Variants in GALNT17 observed in about 807,000 individuals in gnomAD.
GALNT17 encodes polypeptide N-acetylgalactosaminyltransferase 17.
Under a neutral mutation model 63.7 loss-of-function variants are expected in GALNT17, and 29 were observed. That is an observed-to-expected ratio of 0.46 (90% CI 0.34 to 0.62). GALNT17 has a LOEUF of 0.62. GALNT17 is among the 20% of genes least tolerant of loss of function. GALNT17 has a pLI of 0.01. For missense variants in GALNT17, 603 were observed against 799.6 expected (o/e 0.75, Z 2.97); for synonymous variants, 305 against 318.3 (o/e 0.96, Z 0.45).
At chr7:71,169,665 C>T (rs1788509127) in intron 1 of GALNT17, among the ~76,000 whole-genome samples, 1 of 152,172 alleles carries the variant, frequency 6.6e-6, no homozygotes, top group African/African-American at 2.4e-5. Flanking sequence ...AAGTGATCCT[C>T]CCACCTCAGC....
intron 2 of GALNT17, among the ~76,000 whole-genome samples, chr7:71,353,008 A>G (rs1024101861): frequency 6.6e-6 from 1 of 151,978 alleles, no homozygotes; most frequent in African/African-American, 2.4e-5. Context: ...ATGGGAGGGA[A>G]GAAATGAGAG....
chr7:71,635,765 G>A (rs547159732), intron 6 of GALNT17, among the ~76,000 whole-genome samples: 1 of 152,300 alleles, frequency 6.6e-6, no homozygotes, highest in African/African-American at 2.4e-5. Flanking sequence ...CTAAACAAGA[G>A]GTGGATTATT....
chr7:71,654,827 C>T (rs904340848), intron 6 of GALNT17, among the ~76,000 whole-genome samples: 3 of 152,042 alleles, frequency 2.0e-5, no homozygotes, highest in Admixed American at 6.6e-5. Context: ...TCTTGCTTGT[C>T]GCCCAGACTA....
intron 5 of GALNT17, among the ~76,000 whole-genome samples, chr7:71,559,941 A>G (rs936717642): frequency 4.6e-5 from 7 of 151,734 alleles, no homozygotes; most frequent in Admixed American, 2.0e-4. Context: ...ACGCCTGTAA[A>G]TCCCAGCACT....
chr7:71,291,433 A>C (rs561728704), intron 1 of GALNT17, among the ~76,000 whole-genome samples: 1 of 152,210 alleles, frequency 6.6e-6, no homozygotes, highest in South Asian at 2.1e-4. Context: ...TTAGAATCCA[A>C]TTCCATGATA....
intron 6 of GALNT17, among the ~76,000 whole-genome samples, chr7:71,581,585 T>G (rs1789635985): frequency 6.6e-6 from 1 of 152,064 alleles, no homozygotes; most frequent in South Asian, 2.1e-4. Context: ...GATTACAATT[T>G]GGATTACAAT....
At chr7:71,579,304 T>G (rs566918370) in intron 6 of GALNT17, among the ~76,000 whole-genome samples, 1 of 152,316 alleles carries the variant, frequency 6.6e-6, no homozygotes, top group South Asian at 2.1e-4. Flanking sequence ...AACTGAATAC[T>G]TCTGATTAAA....
At chr7:71,461,564 T>C (rs1787450740) in intron 5 of GALNT17, among the ~76,000 whole-genome samples, 1 of 152,162 alleles carries the variant, frequency 6.6e-6, no homozygotes, top group Non-Finnish European at 1.5e-5. Flanking sequence ...AAGGCTGTGG[T>C]TTTCTTTCCT....
chr7:71,606,702 G>A (rs986275016), intron 6 of GALNT17, among the ~76,000 whole-genome samples: 1 of 152,094 alleles, frequency 6.6e-6, no homozygotes. Context: ...GGTTTCGTTG[G>A]GTTTACTTCT....
intron 5 of GALNT17, among the ~76,000 whole-genome samples, chr7:71,422,464 T>G (rs1490741334): frequency 1.3e-5 from 2 of 152,254 alleles, no homozygotes; most frequent in African/African-American, 4.8e-5. Context: ...CTCTGGAACC[T>G]GTGAATGGTC....
chr7:71,334,830 C>G (rs1272550046), intron 1 of GALNT17, among the ~76,000 whole-genome samples: 2 of 151,942 alleles, frequency 1.3e-5, no homozygotes, highest in African/African-American at 4.8e-5. Flanking sequence ...AGAGCTGTGT[C>G]AGAATGTTGG....
intron 6 of GALNT17, among the ~76,000 whole-genome samples, chr7:71,641,615 A>C (rs996512446): frequency 6.6e-6 from 1 of 152,048 alleles, no homozygotes; most frequent in Non-Finnish European, 1.5e-5. Context: ...CCTATTCACA[A>C]GAGCTCCACT....
At chr7:71,711,100 A>G (rs1299540109) in intron 10 of GALNT17, among the ~76,000 whole-genome samples, 172 bp downstream of exon 10, 1 of 151,970 alleles carries the variant, frequency 6.6e-6, no homozygotes, top group African/African-American at 2.4e-5. Context: ...GCAGCTGTGG[A>G]GTTTCTGCAT....
At chr7:71,233,628 C>G (rs1041970976) in intron 1 of GALNT17, among the ~76,000 whole-genome samples, 1 of 152,116 alleles carries the variant, frequency 6.6e-6, no homozygotes, top group Non-Finnish European at 1.5e-5. Context: ...CCGGATGAAT[C>G]CAGCCTGTGA....
At chr7:71,619,470 A>G (rs939575200) in intron 6 of GALNT17, among the ~76,000 whole-genome samples, 4 of 152,168 alleles carry the variant, frequency 2.6e-5, no homozygotes, top group Non-Finnish European at 5.9e-5. Flanking sequence ...GGTTTCTTTC[A>G]GCAGTGTTTT....
chr7:71,411,101 A>C (rs947797742), intron 3 of GALNT17, among the ~76,000 whole-genome samples: 2 of 152,074 alleles, frequency 1.3e-5, no homozygotes, highest in African/African-American at 4.8e-5. Flanking sequence ...ATGATAAAGG[A>C]TCTTAGGTGA....
chr7:71,204,146 T>C (rs1476101212), intron 1 of GALNT17, among the ~76,000 whole-genome samples: 1 of 152,196 alleles, frequency 6.6e-6, no homozygotes, highest in Non-Finnish European at 1.5e-5. Context: ...CAACACCATT[T>C]ATTAGAGACT....
chr7:71,578,959 G>A (rs141351017), intron 6 of GALNT17, among the ~76,000 whole-genome samples: 3 of 152,218 alleles, frequency 2.0e-5, no homozygotes, highest in African/African-American at 7.2e-5. Flanking sequence ...TGGAACTCTC[G>A]AGCTCAAATT....
At chr7:71,228,195 C>G (rs1789716868) in intron 1 of GALNT17, among the ~76,000 whole-genome samples, 1 of 152,010 alleles carries the variant, frequency 6.6e-6, no homozygotes, top group Non-Finnish European at 1.5e-5. Flanking sequence ...TCTAAACAGC[C>G]CCTGATGTCC....
Sources: allele counts gnomAD v4.1 joint callset (sites outside exome capture counted in the v4.1 genomes callset), GRCh38; gene constraint gnomAD v4.1.1; transcripts MANE v1.5; gene names NCBI Gene and HGNC (gene_info 2026-07-23, HGNC 2026-07-21).